Variants in IL37 observed in about 807,000 individuals in gnomAD.
IL37 encodes interleukin 37, also known as interleukin-37.
A neutral mutation model predicts 15.4 loss-of-function variants in IL37; 15 were observed. The ratio of observed to expected loss-of-function variants is 0.98; its 90% CI spans 0.65 to 1.50. The LOEUF (loss-of-function observed/expected upper bound fraction) is 1.50, where lower values mean the gene tolerates loss of function less well. Ranked by LOEUF, IL37 falls within the 40% of genes most tolerant of loss-of-function variation. IL37 has a pLI of 0.00. For missense variants in IL37, 269 were observed against 261.7 expected, an observed-to-expected ratio of 1.03 and a Z score of -0.19; for synonymous variants, 98 against 97.4, an observed-to-expected ratio of 1.01 and a Z score of -0.03.
intron 3 of IL37, chr2:112,915,334 T>C (rs1036221190): frequency 7.2e-6 from 9 of 1,248,848 alleles, no homozygotes; most frequent in Non-Finnish European, 1.0e-5. Flanking sequence ...CTGGACTAAC[T>C]GAATGAGAAT....
At chr2:112,917,874 G>T in intron 5 of IL37, 97 bp downstream of exon 5, 1 of 1,324,172 alleles carries the variant, frequency 7.6e-7, no homozygotes, top group Non-Finnish European at 1.1e-6. Context: ...TTCTTATCTT[G>T]GCCAATATAA....
Position 112,913,815 on chromosome 2 carries a change from C to A in IL37, c.106C>A (p.Pro36Thr). Residue 36 changes from proline to threonine, a missense_variant, in exon 3 of 6, where the codon CCA (proline) becomes ACA (threonine). Coordinates refer to ENST00000263326, the MANE Select transcript of IL37 (RefSeq NM_014439.4). ...LEDPAGSPLEPGPSLPTMNFV... is the reference protein window; with the variant it reads ...LEDPAGSPLETGPSLPTMNFV... ...AGACCCGGCTGGAAGCCCCCTGGAA[C>A]CAGGCCCAAGCCTCCCCACCATGAA... 6.2e-7 allele frequency: 1 copy of A among 1,613,766 alleles called. No individual in the cohort carries two copies. The highest frequency in any genetic ancestry group is 8.5e-7 in the Non-Finnish European group (1 of 1,179,636).
intron 5 of IL37, 35 bp from the exon 6 acceptor site, chr2:112,918,526 C>G (rs1319028866): frequency 1.0e-5 from 16 of 1,584,850 alleles, no homozygotes; most frequent in Non-Finnish European, 1.3e-5. Flanking sequence ...CCTCTCAAAG[C>G]CTGTGCTATC....
At chr2:112,915,370 C>T in intron 3 of IL37, 4 of 911,754 alleles carry the variant, frequency 4.4e-6, no homozygotes, top group Non-Finnish European at 6.8e-6. Context: ...CCCAGGTATC[C>T]ATGGTCTTAA....
At chr2:112,918,062 C>A (rs889697982) in intron 5 of IL37, among the ~76,000 whole-genome samples, 2 of 152,178 alleles carry the variant, frequency 1.3e-5, no homozygotes, top group African/African-American at 4.8e-5. Context: ...GGTGGCGGTC[C>A]CCTCCTGCTG....
rs764407578 is a variant in IL37 at position 112,918,662 on chromosome 2, G to A, written c.510G>A (p.Ala170=). The stretch of plus-strand genomic sequence containing the variant: ...GCTCCTGGAACATGCTGGAGTCGGC[G>A]GCTCACCCCGGATGGTTCATCTGCA... ...QVGSWNMLES[A]AHPGWFICTS... is the part of the protein sequence containing the mutation. The change falls in exon 6 of 6, where the codon GCG becomes GCA. Residue 170 remains alanine (A), a synonymous_variant. Coordinates refer to ENST00000263326, the MANE Select transcript of IL37 (RefSeq NM_014439.4). 36 of 1,613,948 alleles carry A rather than the reference G, an allele frequency of 2.2e-5. No homozygotes were observed. In the South Asian group the frequency reaches 2.5e-4, roughly 11 times the overall value.
At chr2:112,914,789 G>C (rs751393640) in intron 3 of IL37, among the ~76,000 whole-genome samples, 2 of 152,148 alleles carry the variant, frequency 1.3e-5, no homozygotes, top group African/African-American at 4.8e-5. Context: ...CAAATCTGGC[G>C]GAAGTGGTTC....
rs1293401151 is a variant in IL37, at chr2:112,913,164, G to A, written c.82+70G>A. ...CTAGAGCAGAACTTTGCTAGGTGCTGTGCACAGACCCAGTTGTTTCCTGCT... is the reference window on the plus strand; with the variant it reads ...CTAGAGCAGAACTTTGCTAGGTGCTATGCACAGACCCAGTTGTTTCCTGCT... On this transcript the variant is annotated intron_variant, in intron 2 of 5. Transcript: ENST00000263326. 1.7e-5 allele frequency: 18 copies of A among 1,048,846 alleles called. No homozygotes were observed. The South Asian group carries it at 3.0e-4, about 17-fold the overall frequency. 65.0% of individuals were successfully genotyped at this position (1,048,846 alleles called of 1,614,324 possible). A position where few individuals can be genotyped will look rare whatever the true frequency, so the allele number is the denominator to read the frequency against.
intron 5 of IL37, 60 bp downstream of exon 5, chr2:112,917,837 C>T (rs1683355714): frequency 4.5e-6 from 7 of 1,543,486 alleles, no homozygotes; most frequent in Non-Finnish European, 6.3e-6. Context: ...AGGCCAAGAT[C>T]CTCAATGCCT....
rs553597503 is a variant in IL37 at position 112,917,622 on chromosome 2, T to C, written c.266-13T>C. The C allele has an allele frequency of 2.8e-5, 43 of 1,553,856 alleles. No individual in the cohort carries two copies. The East Asian group carries it at 9.0e-4, about 33-fold the overall frequency. ...TCTCAGAACCCACACATGTTCTGACTGTCTTTTTCCAGAGATCTTCTTTGC... is the reference window on the plus strand; with the variant it reads ...TCTCAGAACCCACACATGTTCTGACCGTCTTTTTCCAGAGATCTTCTTTGC... On this transcript the variant is annotated splice_polypyrimidine_tract_variant and intron_variant, in intron 4 of 5. Transcript: ENST00000263326.
In IL37 at chr2:112,913,801, G is replaced by A. The variant is rs3811046; in HGVS notation, c.92G>A (p.Gly31Glu). The change falls in exon 3 of 6, where the codon GGA becomes GAA. Residue 31 changes from glycine (G) to glutamate (E), a missense_variant. Gly to Glu is a moderately conservative substitution (Grantham distance 98). Coordinates refer to ENST00000263326, the MANE Select transcript of IL37 (RefSeq NM_014439.4). ...CTGCGTCTGACTGCAGACCCGGCTG[G>A]AAGCCCCCTGGAACCAGGCCCAAGC... ...EPQCCLEDPA[G>E]SPLEPGPSLP... 1 of 1,613,238 alleles carries A rather than the reference G, an allele frequency of 6.2e-7. No individual in the cohort carries two copies. Among genetic ancestry groups the A allele is most frequent in the Admixed American group, 1.7e-5 (1 of 59,992 alleles).
intron 3 of IL37, chr2:112,915,279 T>A (rs759812536): frequency 6.2e-7 from 1 of 1,605,728 alleles, no homozygotes; most frequent in Non-Finnish European, 8.5e-7. Flanking sequence ...AAAATGATGG[T>A]GCTAGAAAAG....
intron 1 of IL37, among the ~76,000 whole-genome samples, chr2:112,912,215 C>A (rs1439393500): frequency 6.6e-6 from 1 of 152,052 alleles, no homozygotes; most frequent in African/African-American, 2.4e-5. Flanking sequence ...AATTTTTGCT[C>A]CACTTCTGTC....
At chr2:112,913,934 C>A in intron 3 of IL37, 80 bp downstream of exon 3, 2 of 1,170,244 alleles carry the variant, frequency 1.7e-6, no homozygotes, top group Non-Finnish European at 2.6e-6. Flanking sequence ...GGTCCTCTTA[C>A]AGGGTGGGAG....
At chr2:112,914,432 T>C (rs907521708) in intron 3 of IL37, among the ~76,000 whole-genome samples, 17 of 152,178 alleles carry the variant, frequency 1.1e-4, no homozygotes, top group African/African-American at 4.1e-4. Context: ...TCTGCCTGAC[T>C]CAGGCTTAAG....
At chr2:112,918,460 T>C in intron 5 of IL37, 101 bp from the exon 6 acceptor site, 1 of 1,348,674 alleles carries the variant, frequency 7.4e-7, no homozygotes, top group Non-Finnish European at 1.0e-6. Flanking sequence ...CTTCTCTCTT[T>C]TCCTCCTCTC....
chr2:112,916,574 C>T (rs1388992657), intron 3 of IL37, among the ~76,000 whole-genome samples: 1 of 152,198 alleles, frequency 6.6e-6, no homozygotes, highest in East Asian at 1.9e-4. Flanking sequence ...GGGCTTCCTG[C>T]CTCCAACCCT....
intron 5 of IL37, among the ~76,000 whole-genome samples, chr2:112,918,310 T>TA (rs907379747): frequency 9.4e-5 from 7 of 74,184 alleles, no homozygotes; most frequent in Non-Finnish European, 1.4e-4. Flanking sequence ...ATCTGACTCT[T>TA]ACGTCTCTCT....
At position 112,918,527 on chromosome 2, in the gene IL37, C is replaced by A. The variant is rs911234266; in HGVS notation, c.409-34C>A. 4 of 1,585,886 alleles carry A rather than the reference C, an allele frequency of 2.5e-6. No individual in the cohort carries two copies. The Admixed American group carries it at 5.2e-5, about 21-fold the overall frequency. ...GCTGTGTTTTCCTCCCTCTCAAAGC[C>A]TGTGCTATCTAATTAATCCCTTTTA... On this transcript the variant is annotated intron_variant, in intron 5 of 5. Transcript: ENST00000263326.
Sources: allele counts gnomAD v4.1 joint callset (sites outside exome capture counted in the v4.1 genomes callset), GRCh38; gene constraint gnomAD v4.1.1; transcripts MANE v1.5; gene names NCBI Gene and HGNC (gene_info 2026-07-23, HGNC 2026-07-21).